The following CRISPLD2 variants were observed in gnomAD, a reference collection of about 807,000 sequenced individuals.
The protein encoded by CRISPLD2 is cysteine-rich secretory protein LCCL domain-containing 2.
In CRISPLD2, 47 loss-of-function variants were observed where a neutral mutation model predicts 71.1. The ratio of observed to expected loss-of-function variants is 0.66; its 90% CI spans 0.52 to 0.84. CRISPLD2 has a LOEUF of 0.84. CRISPLD2 is among the 40% of genes least tolerant of loss of function. The pLI, the probability that CRISPLD2 is intolerant of heterozygous loss-of-function variation, is 0.00. For missense variants in CRISPLD2, 830 were observed against 651.1 expected (o/e 1.27, Z -2.99); for synonymous variants, 317 against 250.1 (o/e 1.27, Z -2.52).
At chr16:84,845,534 A>G (rs1567684533) in intron 2 of CRISPLD2, among the ~76,000 whole-genome samples, 1 of 152,246 alleles carries the variant, frequency 6.6e-6, no homozygotes, top group Non-Finnish European at 1.5e-5. Context: ...ACAGACACTG[A>G]GGCCCAGAGA....
chr16:84,845,946 C>T (rs765386696), intron 3 of CRISPLD2, 42 bp downstream of exon 3: 1 of 1,341,222 alleles, frequency 7.5e-7, no homozygotes. Context: ...CAGGACCCCA[C>T]TGCCGTGTGC....
intron 14 of CRISPLD2, among the ~76,000 whole-genome samples, chr16:84,890,759 C>T (rs1295972957): frequency 6.6e-6 from 1 of 152,086 alleles, no homozygotes; most frequent in East Asian, 1.9e-4. Context: ...TGTGTCACTG[C>T]ACTCCAGCCT....
intron 5 of CRISPLD2, among the ~76,000 whole-genome samples, chr16:84,853,820 G>A (rs766752622): frequency 2.0e-5 from 3 of 152,210 alleles, no homozygotes; most frequent in Non-Finnish European, 2.9e-5. Flanking sequence ...CCCTGCTGCC[G>A]TGATCCCATT....
At chr16:84,830,772 C>T (rs924037436) in intron 1 of CRISPLD2, among the ~76,000 whole-genome samples, 9 of 151,776 alleles carry the variant, frequency 5.9e-5, no homozygotes, top group African/African-American at 2.2e-4. Context: ...TCACTTTTGA[C>T]TTTTTTCCTG....
chr16:84,886,580 T>A (rs2071615135), intron 13 of CRISPLD2, among the ~76,000 whole-genome samples: 1 of 152,182 alleles, frequency 6.6e-6, no homozygotes. Flanking sequence ...CCTGAGGTTT[T>A]GGGAGGCCAA....
intron 14 of CRISPLD2, among the ~76,000 whole-genome samples, chr16:84,893,949 T>G (rs1039023222): frequency 4.6e-5 from 7 of 152,218 alleles, no homozygotes; most frequent in Admixed American, 1.3e-4. Context: ...ACGTAGATGT[T>G]GTATATACTG....
At chr16:84,846,256 CCCTT>C (rs1050225795) in intron 3 of CRISPLD2, 1 of 184,186 alleles carries the variant, frequency 5.4e-6, no homozygotes, top group Non-Finnish European at 1.1e-5. Context: ...CCCTCCCCTT[CCCTT>C]CCTTCTTTTC....
intron 13 of CRISPLD2, among the ~76,000 whole-genome samples, chr16:84,888,137 G>T (rs1330948296): frequency 6.6e-6 from 1 of 152,254 alleles, no homozygotes; most frequent in African/African-American, 2.4e-5. Context: ...CAGCAGGGCT[G>T]CTTCCTTCTA....
intron 12 of CRISPLD2, 105 bp downstream of exon 12, chr16:84,877,615 C>A (rs755361921): frequency 4.3e-6 from 4 of 938,846 alleles, no homozygotes; most frequent in Non-Finnish European, 4.8e-6. Context: ...TTTGGGAGGC[C>A]GAGGCGGGTG....
At position 84,908,048 on chromosome 16, in the gene CRISPLD2, T is replaced by C. The variant is rs2071820573; in HGVS notation, c.*1406T>C. ...CTAGTTTCAAATTTGATTCAAAATATTTCTTAGGTGAAAGAACTAGCAGAA... is the reference window on the plus strand; with the variant it reads ...CTAGTTTCAAATTTGATTCAAAATACTTCTTAGGTGAAAGAACTAGCAGAA... On this transcript the variant is annotated 3_prime_UTR_variant, in exon 15 of 15. Transcript: ENST00000262424. The C allele has an allele frequency of 6.6e-6, 1 of 152,234 alleles. No homozygotes were observed. The highest frequency in any genetic ancestry group is 2.4e-5 in the African/African-American group (1 of 41,464). The allele number at this position is 152,234 out of a possible 1,614,324, so 9.4% of individuals were successfully genotyped here. A position where few individuals can be genotyped will look rare whatever the true frequency, so the allele number is the denominator to read the frequency against.
At chr16:84,901,010 ACTG>A (rs1458196144) in intron 14 of CRISPLD2, among the ~76,000 whole-genome samples, 5 of 127,908 alleles carry the variant, frequency 3.9e-5, no homozygotes, top group Admixed American at 8.1e-5. Flanking sequence ...TGATGGTGTC[ACTG>A]CACACACACA....
rs1210968444 is a variant in CRISPLD2, at chr16:84,906,722, G to T, written c.*80G>T. The stretch of plus-strand genomic sequence containing the variant: ...TTTATTTTTATTTTGTCATTGCGGG[G>T]TATATGGAGAGTCAGGAAACTTCCT... On this transcript the variant is annotated 3_prime_UTR_variant, in exon 15 of 15. Transcript: ENST00000262424. 7 of 1,506,676 alleles carry T rather than the reference G, an allele frequency of 4.6e-6. No homozygotes were observed. Among genetic ancestry groups the T allele is most frequent in the Non-Finnish European group, 6.5e-6 (7 of 1,082,862 alleles). The allele number at this position is 1,506,676 out of a possible 1,614,324, so 93.3% of individuals were successfully genotyped here.
intron 6 of CRISPLD2, among the ~76,000 whole-genome samples, chr16:84,856,968 C>G (rs148755865): frequency 1.6e-4 from 25 of 152,328 alleles, no homozygotes; most frequent in African/African-American, 5.5e-4. Flanking sequence ...ATGGGTAAAC[C>G]TGTATCCAGA....
At chr16:84,891,510 G>A (rs779510995) in intron 14 of CRISPLD2, among the ~76,000 whole-genome samples, 3 of 152,130 alleles carry the variant, frequency 2.0e-5, no homozygotes, top group Non-Finnish European at 4.4e-5. Context: ...GCTTAATGAA[G>A]GGAAATTCCA....
At chr16:84,887,848 C>G (rs754789617) in intron 13 of CRISPLD2, among the ~76,000 whole-genome samples, 2 of 152,100 alleles carry the variant, frequency 1.3e-5, no homozygotes, top group African/African-American at 4.8e-5. Context: ...TGCACTCCAG[C>G]CTGAGCAATA....
At chr16:84,879,841 C>T (rs1407083220) in intron 12 of CRISPLD2, among the ~76,000 whole-genome samples, 1 of 152,154 alleles carries the variant, frequency 6.6e-6, no homozygotes, top group African/African-American at 2.4e-5. Context: ...TTCTTGGTCC[C>T]TGGGCTCCAG....
intron 13 of CRISPLD2, among the ~76,000 whole-genome samples, chr16:84,881,946 TC>T (rs1836042912): frequency 1.3e-5 from 2 of 152,160 alleles, no homozygotes; most frequent in South Asian, 2.1e-4. Flanking sequence ...TAAGCTTATC[TC>T]CCCCCATCTT....
intron 6 of CRISPLD2, among the ~76,000 whole-genome samples, chr16:84,861,179 T>G (rs1917369211): frequency 6.6e-6 from 1 of 152,198 alleles, no homozygotes; most frequent in African/African-American, 2.4e-5. Context: ...CTTAGCATTT[T>G]GGGATCTAAT....
At chr16:84,843,272 C>T (rs923220792) in intron 2 of CRISPLD2, among the ~76,000 whole-genome samples, 16 of 152,316 alleles carry the variant, frequency 1.1e-4, no homozygotes, top group African/African-American at 2.9e-4. Context: ...CTCAGCACTG[C>T]GCTGCATTGC....
Sources: allele counts gnomAD v4.1 joint callset (sites outside exome capture counted in the v4.1 genomes callset), GRCh38; gene constraint gnomAD v4.1.1; transcripts MANE v1.5; gene names NCBI Gene and HGNC (gene_info 2026-07-23, HGNC 2026-07-21).